The following NCKAP5 variants were observed in gnomAD, a reference collection of about 807,000 sequenced individuals.
NCKAP5 encodes the protein NCK associated protein 5, also known as nck-associated protein 5.
NCKAP5 carries 92 observed loss-of-function variants against 167.0 expected under a neutral mutation model. The ratio of observed to expected loss-of-function variants is 0.55; its 90% CI spans 0.47 to 0.66. The LOEUF (loss-of-function observed/expected upper bound fraction) is 0.66. Ranked by LOEUF, NCKAP5 falls within the 30% of genes least tolerant of loss-of-function variation. The pLI is 0.00. For synonymous variants in NCKAP5, 891 were observed against 877.4 expected (o/e 1.02, Z -0.27); for missense variants, 2,378 against 2,315.0 (o/e 1.03, Z -0.56).
chr2:132,683,394 A>G (rs897849343), intron 19 of NCKAP5, among the ~76,000 whole-genome samples: 1 of 152,200 alleles, frequency 6.6e-6, no homozygotes, highest in Non-Finnish European at 1.5e-5. Flanking sequence ...CTTTGGCAAC[A>G]GCAATTTTCT....
the NCKAP5 span, among the ~76,000 whole-genome samples, chr2:133,605,989 T>G: frequency 3.3e-5 from 5 of 152,150 alleles, no homozygotes; most frequent in African/African-American, 1.2e-4. Flanking sequence ...GCGAACTATC[T>G]CTTTGCATAT....
chr2:132,790,089 G>A lies in NCKAP5; in HGVS notation c.1026C>T (p.Ser342=). The A allele has an allele frequency of 6.2e-7, 1 of 1,613,360 alleles. No homozygotes were observed. The highest frequency in any genetic ancestry group is 8.5e-7 in the Non-Finnish European group (1 of 1,179,632). Residue 342 remains serine, a synonymous_variant, in exon 13 of 20, where the codon AGC becomes AGT. Coordinates refer to ENST00000409261, the MANE Select transcript of NCKAP5 (RefSeq NM_207363.3). ...AGCCACTGGAGTACTCGCTGCAGGT[G>A]CTTGAAAGAGACAGTTCACTGCTGC... ...YSSSSELSLS[S]TCSEYSSGSS...
At chr2:133,173,393 G>C (rs2084328861) in intron 5 of NCKAP5, among the ~76,000 whole-genome samples, 1 of 152,124 alleles carries the variant, frequency 6.6e-6, no homozygotes. Flanking sequence ...TATCAATGAA[G>C]CCCTGACTTG....
intron 11 of NCKAP5, among the ~76,000 whole-genome samples, chr2:132,843,593 T>G: frequency 6.6e-6 from 1 of 151,530 alleles, no homozygotes; most frequent in Non-Finnish European, 1.5e-5. Flanking sequence ...AAGTTTTTCT[T>G]TTTTTTTAAT....
At chr2:132,840,292 T>TG (rs1688208249) in intron 11 of NCKAP5, among the ~76,000 whole-genome samples, 1 of 147,400 alleles carries the variant, frequency 6.8e-6, no homozygotes, top group Admixed American at 6.9e-5. Flanking sequence ...TTTTTTTTTT[T>TG]TGAGATAGAG....
intron 6 of NCKAP5, among the ~76,000 whole-genome samples, chr2:133,027,326 T>C (rs1353444212): frequency 6.6e-6 from 1 of 152,230 alleles, no homozygotes; most frequent in African/African-American, 2.4e-5. Context: ...TAAAGGATTA[T>C]AGATTATATG....
At chr2:133,189,897 C>T (rs2085130897) in intron 5 of NCKAP5, among the ~76,000 whole-genome samples, 1 of 152,102 alleles carries the variant, frequency 6.6e-6, no homozygotes, top group Non-Finnish European at 1.5e-5. Context: ...CACTCCTATT[C>T]AACACAGTGT....
At chr2:132,694,227 C>A (rs1687103013) in intron 19 of NCKAP5, among the ~76,000 whole-genome samples, 1 of 151,596 alleles carries the variant, frequency 6.6e-6, no homozygotes, top group South Asian at 2.1e-4. Flanking sequence ...ATAATGATTA[C>A]ATTAATTCTC....
chr2:133,252,550 C>G (rs149770587), intron 4 of NCKAP5, among the ~76,000 whole-genome samples: 5 of 152,170 alleles, frequency 3.3e-5, no homozygotes. Context: ...TCTTTGCGTA[C>G]AGTAATGCTG....
chr2:133,553,953 A>G (rs1687559599), intron 2 of NCKAP5, among the ~76,000 whole-genome samples: 1 of 152,192 alleles, frequency 6.6e-6, no homozygotes, highest in South Asian at 2.1e-4. Flanking sequence ...CAGTTCTCAC[A>G]AGGCTAAAAT....
At chr2:133,111,003 A>T (rs1351583763) in intron 6 of NCKAP5, among the ~76,000 whole-genome samples, 1 of 152,076 alleles carries the variant, frequency 6.6e-6, no homozygotes, top group Non-Finnish European at 1.5e-5. Context: ...ACCTCTTGTT[A>T]CAAAGGCACC....
At chr2:132,793,676 A>G (rs1035830642) in intron 12 of NCKAP5, among the ~76,000 whole-genome samples, 3 of 152,160 alleles carry the variant, frequency 2.0e-5, no homozygotes, top group African/African-American at 7.2e-5. Flanking sequence ...GGGCTGTGCT[A>G]AGCCAGGCAA....
chr2:133,571,539 T>C (rs1688868501), upstream of NCKAP5, among the ~76,000 whole-genome samples: 1 of 152,150 alleles, frequency 6.6e-6, no homozygotes, highest in African/African-American at 2.4e-5. Context: ...GACGGCTGGG[T>C]GACACTGTAA....
chr2:132,904,988 T>C (rs942447658), intron 8 of NCKAP5, among the ~76,000 whole-genome samples: 4 of 152,238 alleles, frequency 2.6e-5, no homozygotes, highest in African/African-American at 9.6e-5. Flanking sequence ...ATCAATCTTC[T>C]TTTTCCTTTG....
chr2:132,898,641 G>C (rs1002056426), intron 8 of NCKAP5, among the ~76,000 whole-genome samples: 2 of 152,156 alleles, frequency 1.3e-5, no homozygotes, highest in African/African-American at 4.8e-5. Flanking sequence ...GTGTTAGCAG[G>C]CATGAAAACA....
chr2:132,949,425 C>T (rs1260789745), intron 8 of NCKAP5, among the ~76,000 whole-genome samples: 1 of 152,154 alleles, frequency 6.6e-6, no homozygotes, highest in Non-Finnish European at 1.5e-5. Flanking sequence ...GCCCCAGAGC[C>T]TGCTGAAATC....
At chr2:133,347,478 A>G (rs537259129) in intron 3 of NCKAP5, among the ~76,000 whole-genome samples, 37 of 152,236 alleles carry the variant, frequency 2.4e-4, no homozygotes, top group African/African-American at 8.7e-4. Context: ...GCTTGAACCC[A>G]GGAGGCGGAG....
In NCKAP5 at chr2:133,237,648, G is replaced by A. The variant is rs1421547113; in HGVS notation, c.144-23869C>T. On this transcript the variant is annotated intron_variant, in intron 4 of 19. Coordinates refer to ENST00000409261, the MANE Select transcript of NCKAP5 (RefSeq NM_207363.3). ...CGTGTAAACAAATGCACTGCACCGT[G>A]ATAAAGACAATTGAAGATGTAACTG... is the stretch of plus-strand genomic sequence containing the variant. 2.0e-5 allele frequency among the ~76,000 whole-genome samples: 3 copies of A among 152,298 alleles called. No individual in the cohort carries two copies. In the East Asian group the frequency reaches 5.8e-4, roughly 29 times the overall value.
At chr2:133,319,466 T>C (rs1247799668) in intron 3 of NCKAP5, among the ~76,000 whole-genome samples, 2 of 152,128 alleles carry the variant, frequency 1.3e-5, no homozygotes, top group Admixed American at 6.5e-5. Flanking sequence ...TACCTTTTTT[T>C]TTAAGTATCT....
Sources: allele counts gnomAD v4.1 joint callset (sites outside exome capture counted in the v4.1 genomes callset), GRCh38; gene constraint gnomAD v4.1.1; transcripts MANE v1.5; gene names NCBI Gene and HGNC (gene_info 2026-07-23, HGNC 2026-07-21).